Variants in RAF1 observed in about 807,000 individuals in gnomAD.
RAF1 encodes the protein Raf-1 proto-oncogene, serine/threonine kinase.
Under a neutral mutation model 81.1 loss-of-function variants are expected in RAF1, and 27 were observed. That is an observed-to-expected ratio of 0.33 (90% CI 0.25 to 0.46). RAF1 has a LOEUF of 0.46. RAF1 is among the 20% of genes least tolerant of loss of function. RAF1 has a pLI of 1.00. For synonymous variants in RAF1, 298 were observed against 294.0 expected (o/e 1.01, Z -0.14); for missense variants, 598 against 826.0 (o/e 0.72, Z 3.38).
At chr3:12,616,463 A>G (rs944538880) in intron 2 of RAF1, among the ~76,000 whole-genome samples, 5 of 152,374 alleles carry the variant, frequency 3.3e-5, no homozygotes, top group African/African-American at 1.2e-4. Context: ...ACCATTGTTC[A>G]GATATAGGGG....
intron 1 of RAF1, among the ~76,000 whole-genome samples, chr3:12,631,667 C>CA (rs997540930): frequency 3.6e-4 from 55 of 152,218 alleles, no homozygotes; most frequent in African/African-American, 1.3e-3. Flanking sequence ...GCACCTAACA[C>CA]AGAGTAAACG....
intron 1 of RAF1, among the ~76,000 whole-genome samples, chr3:12,662,978 G>C (rs986400034): frequency 8.6e-5 from 13 of 151,974 alleles, no homozygotes; most frequent in African/African-American, 3.1e-4. Context: ...TGACCCCCTA[G>C]AACCCGTTCA....
At chr3:12,584,810 C>G (rs756898945) in intron 17 of RAF1, 37 bp downstream of exon 16, 1 of 1,613,956 alleles carries the variant, frequency 6.2e-7, no homozygotes, top group Non-Finnish European at 8.5e-7. Context: ...CGAACCAACC[C>G]ATGCTTTAAT....
At chr3:12,656,209 C>T (rs994397873) in intron 1 of RAF1, among the ~76,000 whole-genome samples, 1 of 150,896 alleles carries the variant, frequency 6.6e-6, no homozygotes, top group South Asian at 2.1e-4. Flanking sequence ...AGACTAAGGT[C>T]AAAAATGGTA....
chr3:12,586,130 C>T (rs2058325840), intron 14 of RAF1, among the ~76,000 whole-genome samples: 2 of 152,190 alleles, frequency 1.3e-5, no homozygotes, highest in Admixed American at 1.3e-4. Context: ...GTACTTGAAA[C>T]CCTAACAGGA....
rs2058292338 is a variant in RAF1 at position 12,585,220 on chromosome 3, GGTT to G, written c.1627_1629del (p.Asn543del). 1 of 1,614,080 alleles carries G rather than the reference GGTT, an allele frequency of 6.2e-7. No homozygotes were observed. The highest frequency in any genetic ancestry group is 1.3e-5 in the African/African-American group (1 of 74,984). On this transcript the variant is annotated inframe_deletion, in exon 16 of 18. Transcript: ENST00000442415. Reference sequence around the variant, plus strand: ...TAGACATCCGACTGGAAACTGAATGGGTTGTTATCCTGCATTCGGATCACCTCT... The same window carrying G: ...TAGACATCCGACTGGAAACTGAATGGGTTATCCTGCATTCGGATCACCTCT...
chr3:12,663,994 C>A lies in RAF1; in HGVS notation c.-208G>T. On this transcript the variant is annotated 5_prime_UTR_variant, in exon 1 of 18. Coordinates refer to ENST00000442415, the MANE Select transcript of RAF1 (RefSeq NM_001354689.3). Reference sequence around the variant, plus strand: ...CGCGCTCCGCGCCTCAGGGCACGCGCCCCAAAGCCCGGCCAGCTGACCCTT... The same window carrying A: ...CGCGCTCCGCGCCTCAGGGCACGCGACCCAAAGCCCGGCCAGCTGACCCTT... 2.5e-6 allele frequency: 1 copy of A among 398,610 alleles called. No homozygotes were observed. The highest frequency in any genetic ancestry group is 4.4e-6 in the Non-Finnish European group (1 of 226,042). The allele number at this position is 398,610 out of a possible 1,614,324, so 24.7% of individuals were successfully genotyped here. A position where few individuals can be genotyped will look rare whatever the true frequency, so the allele number is the denominator to read the frequency against.
intron 1 of RAF1, among the ~76,000 whole-genome samples, chr3:12,656,693 C>T (rs2060704318): frequency 6.6e-6 from 1 of 152,044 alleles, no homozygotes; most frequent in Admixed American, 6.6e-5. Flanking sequence ...AGACATAAGA[C>T]ATCTATACAA....
intron 1 of RAF1, among the ~76,000 whole-genome samples, chr3:12,642,708 ACACACACACAC>A (rs2060229316): frequency 6.7e-6 from 1 of 149,690 alleles, no homozygotes; most frequent in Non-Finnish European, 1.5e-5. Flanking sequence ...ACACACACAC[ACACACACACAC>A]AAAATAGCTG....
At chr3:12,623,627 T>C (rs929356012) in intron 1 of RAF1, among the ~76,000 whole-genome samples, 1 of 151,940 alleles carries the variant, frequency 6.6e-6, no homozygotes, top group Admixed American at 6.5e-5. Flanking sequence ...GAAACCCCTC[T>C]ACTAAAAATA....
intron 1 of RAF1, among the ~76,000 whole-genome samples, chr3:12,630,676 G>A (rs769950159): frequency 3.0e-4 from 46 of 152,280 alleles, no homozygotes; most frequent in Non-Finnish European, 2.4e-4. Flanking sequence ...ACAATGTAGG[G>A]GAGCAGGGAC....
intron 4 of RAF1, 121 bp downstream of exon 4, chr3:12,609,112 C>G (rs2125418560): frequency 9.6e-7 from 1 of 1,036,352 alleles, no homozygotes; most frequent in Non-Finnish European, 1.5e-6. Context: ...TAAACAACAG[C>G]ATAAAGAACT....
chr3:12,651,814 A>G (rs1300449401), intron 1 of RAF1, among the ~76,000 whole-genome samples: 1 of 151,670 alleles, frequency 6.6e-6, no homozygotes, highest in African/African-American at 2.4e-5. Flanking sequence ...GGTTGAGACC[A>G]GCCTGGCCAA....
intron 14 of RAF1, 81 bp downstream of exon 13, chr3:12,587,510 C>T (rs770824758): frequency 7.7e-7 from 1 of 1,303,628 alleles, no homozygotes; most frequent in Admixed American, 1.7e-5. Flanking sequence ...GCACCGAGAG[C>T]CACTTGTGAT....
Position 12,620,260 on chromosome 3 carries a change from G to A in RAF1, c.-26-1513C>T, listed in dbSNP as rs192669026. 4.5e-3 allele frequency among the ~76,000 whole-genome samples: 683 copies of A among 152,002 alleles called. 5 individuals are homozygous for A. Among genetic ancestry groups the A allele is most frequent in the African/African-American group, 0.015 (638 of 41,474 alleles). On this transcript the variant is annotated intron_variant, in intron 1 of 17. Transcript: ENST00000442415. Reference sequence around the variant, plus strand: ...AGCGATTCTCCTGCCTCAGCCTCCCGAGTAGCCGGGATTACAGGCATGCAC... The same window carrying A: ...AGCGATTCTCCTGCCTCAGCCTCCCAAGTAGCCGGGATTACAGGCATGCAC...
At chr3:12,613,859 T>C (rs901247946) in intron 2 of RAF1, among the ~76,000 whole-genome samples, 2 of 152,178 alleles carry the variant, frequency 1.3e-5, no homozygotes, top group Non-Finnish European at 2.9e-5. Flanking sequence ...AAAGATGGAC[T>C]CCACATTGAG....
rs1317407308 is a variant in RAF1, at chr3:12,663,814, T to A, written c.-28A>T. On this transcript the variant is annotated splice_region_variant and 5_prime_UTR_variant, in exon 1 of 18. Coordinates refer to ENST00000442415, the MANE Select transcript of RAF1 (RefSeq NM_001354689.3). ...CCACGACCCGGTCCTGCCACCTACC[T>A]GAGGGAGCCAGGCCGCCCCAACGTC... 1 of 397,166 alleles carries A rather than the reference T, an allele frequency of 2.5e-6. No homozygotes were observed. Among genetic ancestry groups the A allele is most frequent in the Non-Finnish European group, 4.4e-6 (1 of 225,354 alleles). 24.6% of individuals were successfully genotyped at this position (397,166 alleles called of 1,614,324 possible). A position where few individuals can be genotyped will look rare whatever the true frequency, so the allele number is the denominator to read the frequency against.
intron 1 of RAF1, among the ~76,000 whole-genome samples, chr3:12,655,153 G>A (rs1458216981): frequency 2.6e-5 from 4 of 152,194 alleles, no homozygotes; most frequent in African/African-American, 9.6e-5. Flanking sequence ...CGCAATCTCA[G>A]CTCACTGCAA....
chr3:12,586,017 G>A (rs1335852991), intron 14 of RAF1: 2 of 533,840 alleles, frequency 3.7e-6, no homozygotes, highest in African/African-American at 1.9e-5. Context: ...CAGATTATTT[G>A]GCCCTAGCCA....
Sources: gnomAD v4.1 joint callset for allele counts (sites outside exome capture counted in the v4.1 genomes callset) on GRCh38, gnomAD v4.1.1 for gene constraint, MANE v1.5 for transcripts, NCBI Gene and HGNC (gene_info 2026-07-23, HGNC 2026-07-21) for gene names.